The following KCNQ3 variants were observed in gnomAD, a reference collection of about 807,000 sequenced individuals.
KCNQ3 encodes the protein potassium voltage-gated channel subfamily Q member 3.
KCNQ3 carries 30 observed loss-of-function variants against 92.5 expected under a neutral mutation model. That is an observed-to-expected ratio of 0.32 (90% confidence interval 0.24 to 0.44). KCNQ3 has a LOEUF of 0.44. Ranked by LOEUF, KCNQ3 falls within the 20% of genes least tolerant of loss-of-function variation. KCNQ3 has a pLI of 1.00. For missense variants in KCNQ3, 913 were observed against 1,140.3 expected, an observed-to-expected ratio of 0.80 and a Z score of 2.87; for synonymous variants, 450 against 468.8, an observed-to-expected ratio of 0.96 and a Z score of 0.52.
At chr8:132,287,089 G>T (rs1332670238) in intron 1 of KCNQ3, among the ~76,000 whole-genome samples, 3 of 152,116 alleles carry the variant, frequency 2.0e-5, no homozygotes, top group African/African-American at 7.2e-5. Context: ...ACCAACTAAG[G>T]CAGATGTTTA....
chr8:132,328,468 G>A lies in KCNQ3; in HGVS notation c.387-142287C>T, dbSNP rs190587190. On this transcript the variant is annotated intron_variant, in intron 1 of 14. Transcript: ENST00000388996. ...GTGTGTGCTCAGGGAATGATCCCCT[G>A]AGTTCCACCTGACACTGACTCTGGA... Among the ~76,000 whole-genome samples, 717 of 152,258 alleles carry A rather than the reference G, an allele frequency of 4.7e-3. 1 individual carries two copies. The highest frequency in any genetic ancestry group is 8.1e-3 in the Non-Finnish European group (549 of 68,014).
chr8:132,326,331 G>T (rs897072615), intron 1 of KCNQ3, among the ~76,000 whole-genome samples: 1 of 152,166 alleles, frequency 6.6e-6, no homozygotes, highest in East Asian at 1.9e-4. Context: ...AGCAGGTGGA[G>T]ATTCTGACTC....
At chr8:132,308,129 G>A (rs1462962529) in intron 1 of KCNQ3, among the ~76,000 whole-genome samples, 1 of 152,112 alleles carries the variant, frequency 6.6e-6, no homozygotes, top group Non-Finnish European at 1.5e-5. Flanking sequence ...CCTATCTCAC[G>A]GGGCTCACGG....
chr8:132,227,691 C>T (rs930980858), intron 1 of KCNQ3, among the ~76,000 whole-genome samples: 35 of 152,306 alleles, frequency 2.3e-4, no homozygotes, highest in African/African-American at 8.4e-4. Context: ...AAATGACACT[C>T]TCCCGGGGCT....
At chr8:132,282,058 C>G (rs2130530994) in intron 1 of KCNQ3, among the ~76,000 whole-genome samples, 1 of 152,292 alleles carries the variant, frequency 6.6e-6, no homozygotes, top group South Asian at 2.1e-4. Context: ...ATTTTGCTAA[C>G]TATACTGGCC....
intron 1 of KCNQ3, among the ~76,000 whole-genome samples, chr8:132,364,650 A>G (rs1460193371): frequency 1.3e-5 from 2 of 151,914 alleles, no homozygotes; most frequent in East Asian, 3.9e-4. Flanking sequence ...AGTATTTAAC[A>G]AATGGGTTTA....
chr8:132,446,286 T>A (rs1335926282), intron 1 of KCNQ3, among the ~76,000 whole-genome samples: 1 of 152,176 alleles, frequency 6.6e-6, no homozygotes, highest in Non-Finnish European at 1.5e-5. Context: ...ACCCAATTAA[T>A]AACTAATTTT....
At chr8:132,186,413 C>T in intron 1 of KCNQ3, 1 of 478,850 alleles carries the variant, frequency 2.1e-6, no homozygotes, top group South Asian at 2.0e-5. Flanking sequence ...CATACTTTTA[C>T]TTAACCAGCT....
At chr8:132,138,142 C>T (rs1825167412) in intron 11 of KCNQ3, 126 bp from the exon 12 acceptor site, 5 of 1,111,200 alleles carry the variant, frequency 4.5e-6, no homozygotes, top group Admixed American at 3.7e-5. Context: ...GCTGGAAGAA[C>T]TTCCAACGTT....
intron 9 of KCNQ3, among the ~76,000 whole-genome samples, chr8:132,160,018 C>G (rs983818627): frequency 6.6e-6 from 1 of 152,154 alleles, no homozygotes; most frequent in Non-Finnish European, 1.5e-5. Context: ...CCCTTGGAGG[C>G]AACTGACTTA....
intron 1 of KCNQ3, among the ~76,000 whole-genome samples, chr8:132,377,227 T>G (rs1402116465): frequency 6.6e-6 from 1 of 152,164 alleles, no homozygotes; most frequent in African/African-American, 2.4e-5. Flanking sequence ...CTGCTTTGGT[T>G]AGGGCATCCC....
intron 1 of KCNQ3, among the ~76,000 whole-genome samples, chr8:132,227,556 C>T (rs983135304): frequency 7.2e-5 from 11 of 152,186 alleles, no homozygotes; most frequent in African/African-American, 2.7e-4. Flanking sequence ...AAATAAGTTT[C>T]TGCAGTTTAA....
chr8:132,445,551 A>T (rs1050292268), intron 1 of KCNQ3, among the ~76,000 whole-genome samples: 5 of 152,050 alleles, frequency 3.3e-5, no homozygotes, highest in Non-Finnish European at 5.9e-5. Flanking sequence ...AAGAAGAAAT[A>T]AAAAAACGAC....
intron 1 of KCNQ3, among the ~76,000 whole-genome samples, chr8:132,446,274 GC>G (rs1821673073): frequency 1.3e-5 from 2 of 152,306 alleles, no homozygotes; most frequent in South Asian, 4.1e-4. Flanking sequence ...AACAAGATTA[GC>G]ACCCAATTAA....
intron 3 of KCNQ3, among the ~76,000 whole-genome samples, chr8:132,180,624 G>T (rs1157945316): frequency 6.6e-6 from 1 of 152,058 alleles, no homozygotes; most frequent in African/African-American, 2.4e-5. Flanking sequence ...ATTTACCAAG[G>T]CCCCCCGCAG....
chr8:132,393,754 T>C (rs1820111580), intron 1 of KCNQ3, among the ~76,000 whole-genome samples: 1 of 152,168 alleles, frequency 6.6e-6, no homozygotes, highest in Admixed American at 6.5e-5. Context: ...GGACAGAGGA[T>C]AAAGGAGTTT....
chr8:132,425,429 T>C lies in KCNQ3; in HGVS notation c.386+54718A>G. Among the ~76,000 whole-genome samples, 2 of 152,178 alleles carry C rather than the reference T, an allele frequency of 1.3e-5. 1 individual carries two copies. Among genetic ancestry groups the C allele is most frequent in the South Asian group, 4.1e-4 (2 of 4,826 alleles). ...TAAATGAGTAATAATACGATCTGCATTGAGAGGATCTTGTGAGATAAAGAA... is the reference window on the plus strand; with the variant it reads ...TAAATGAGTAATAATACGATCTGCACTGAGAGGATCTTGTGAGATAAAGAA... On this transcript the variant is annotated intron_variant, in intron 1 of 14. Coordinates refer to ENST00000388996, the MANE Select transcript of KCNQ3 (RefSeq NM_004519.4).
chr8:132,150,741 C>A (rs1334702162), intron 9 of KCNQ3, among the ~76,000 whole-genome samples: 1 of 151,764 alleles, frequency 6.6e-6, no homozygotes, highest in East Asian at 1.9e-4. Context: ...ATTAATAGTA[C>A]CTGGAGGTCA....
At chr8:132,220,733 C>T (rs1010110638) in intron 1 of KCNQ3, among the ~76,000 whole-genome samples, 1 of 150,282 alleles carries the variant, frequency 6.7e-6, no homozygotes. Context: ...TGAGTGACAG[C>T]GTAAGATAAA....
Sources: gnomAD v4.1 joint callset for allele counts (sites outside exome capture counted in the v4.1 genomes callset) on GRCh38, gnomAD v4.1.1 for gene constraint, MANE v1.5 for transcripts, NCBI Gene and HGNC (gene_info 2026-07-23, HGNC 2026-07-21) for gene names.